PDE1C: variants seen among roughly 807,000 people sequenced by gnomAD.
The protein encoded by PDE1C is dual specificity calcium/calmodulin-dependent 3',5'-cyclic nucleotide phosphodiesterase 1C.
In PDE1C, 62 loss-of-function variants were observed where a neutral mutation model predicts 93.1. That is an observed-to-expected ratio of 0.67 (90% CI 0.54 to 0.82). The LOEUF is 0.82. Ranked by LOEUF, PDE1C falls within the 40% of genes least tolerant of loss-of-function variation. The probability of loss-of-function intolerance (pLI) is 0.00; values close to 1 mark genes in which losing one functional copy is unlikely to be tolerated. For synonymous variants in PDE1C, 325 were observed against 310.1 expected (o/e 1.05, Z -0.50); for missense variants, 742 against 884.6 (o/e 0.84, Z 2.04).
chr7:32,408,412 G>A (rs1182045375), intron 1 of PDE1C, among the ~76,000 whole-genome samples: 2 of 152,202 alleles, frequency 1.3e-5, no homozygotes, highest in South Asian at 4.1e-4. Flanking sequence ...ATGCCTGGGA[G>A]GAATGTGCAC....
At chr7:31,694,072 C>T in the PDE1C span, among the ~76,000 whole-genome samples, 2 of 152,118 alleles carry the variant, frequency 1.3e-5, no homozygotes, top group African/African-American at 4.8e-5. Flanking sequence ...TTATTAATTG[C>T]TGCTGAAGAG....
chr7:32,319,026 G>A (rs1433663776), intron 1 of PDE1C, among the ~76,000 whole-genome samples: 1 of 152,208 alleles, frequency 6.6e-6, no homozygotes, highest in Non-Finnish European at 1.5e-5. Context: ...GCTCCCTTAA[G>A]CTGTTGCAAG....
At chr7:32,027,859 G>A (rs1789698601) in intron 2 of PDE1C, among the ~76,000 whole-genome samples, 1 of 151,736 alleles carries the variant, frequency 6.6e-6, no homozygotes, top group Non-Finnish European at 1.5e-5. Context: ...ATCTGATGTA[G>A]CAAGCCTTAC....
At chr7:32,005,799 C>A (rs990781695) in intron 2 of PDE1C, among the ~76,000 whole-genome samples, 2 of 152,038 alleles carry the variant, frequency 1.3e-5, no homozygotes, top group Non-Finnish European at 2.9e-5. Flanking sequence ...TGTTTCTGGT[C>A]TACTGCTAAT....
At chr7:32,075,148 C>T (rs146403328), upstream of PDE1C, among the ~76,000 whole-genome samples, 1 of 152,336 alleles carries the variant, frequency 6.6e-6, no homozygotes, top group Non-Finnish European at 1.5e-5. Flanking sequence ...CAACTGCAAA[C>T]AAGCTCCTCC....
intron 1 of PDE1C, among the ~76,000 whole-genome samples, chr7:32,279,025 A>G (rs1479318452): frequency 6.6e-6 from 1 of 152,218 alleles, no homozygotes; most frequent in East Asian, 1.9e-4. Flanking sequence ...TATACTTAAG[A>G]GGAATTTATT....
At chr7:31,630,631 CCAAT>C in the PDE1C span, among the ~76,000 whole-genome samples, 15 of 151,998 alleles carry the variant, frequency 9.9e-5, no homozygotes, top group South Asian at 1.7e-3. Flanking sequence ...CACATATTTA[CCAAT>C]CAGTTATAAA....
chr7:32,173,465 G>A (rs1023587068), intron 2 of PDE1C, among the ~76,000 whole-genome samples: 2 of 150,630 alleles, frequency 1.3e-5, no homozygotes, highest in African/African-American at 4.9e-5. Flanking sequence ...TTCTGTACAT[G>A]TATAGCAGAA....
At chr7:32,356,625 G>C (rs1298240881) in intron 1 of PDE1C, among the ~76,000 whole-genome samples, 7 of 152,208 alleles carry the variant, frequency 4.6e-5, no homozygotes, top group Non-Finnish European at 1.0e-4. Flanking sequence ...TGGACAGTCT[G>C]TCAAGAATCC....
At chr7:31,817,919 G>C (rs1788467227) in intron 14 of PDE1C, among the ~76,000 whole-genome samples, 2 of 152,054 alleles carry the variant, frequency 1.3e-5, no homozygotes, top group South Asian at 2.1e-4. Context: ...CTTTATATTT[G>C]CTTACCTAAG....
In PDE1C at chr7:32,147,268, GAAAAAAAGAA is replaced by G. The variant is rs1800908945; in HGVS notation, c.308+22507_308+22516del. 6.4e-5 allele frequency among the ~76,000 whole-genome samples: 3 copies of G among 46,678 alleles called. 1 individual carries two copies. The South Asian group carries it at 2.4e-3, about 38-fold the overall frequency. The allele number at this position is 46,678 out of a possible 152,430, so 30.6% of individuals were successfully genotyped here. On this transcript the variant is annotated intron_variant, in intron 3 of 18. Coordinates refer to the PDE1C transcript ENST00000396193. The stretch of plus-strand genomic sequence containing the variant: ...GAAAGAAAGAAAAGAAAGAAAGAAA[GAAAAAAAGAA>G]AGAAAGAAAGAAAGAAAGAAAGAAA...
chr7:32,037,224 C>G (rs535778951), intron 2 of PDE1C, among the ~76,000 whole-genome samples: 1 of 152,234 alleles, frequency 6.6e-6, no homozygotes, highest in African/African-American at 2.4e-5. Flanking sequence ...TTCTGACAGA[C>G]AAGTGGTCCA....
chr7:32,122,118 A>C (rs566261028), intron 3 of PDE1C, among the ~76,000 whole-genome samples: 1 of 152,342 alleles, frequency 6.6e-6, no homozygotes, highest in African/African-American at 2.4e-5. Flanking sequence ...ATCAAAAAAG[A>C]AAAAGAATGA....
intron 7 of PDE1C, among the ~76,000 whole-genome samples, chr7:31,864,052 A>T (rs1294521889): frequency 6.6e-6 from 1 of 152,238 alleles, no homozygotes; most frequent in Non-Finnish European, 1.5e-5. Flanking sequence ...TCTTAATGCC[A>T]ATTCTAAAGG....
At chr7:32,160,615 G>T (rs1464396596) in intron 3 of PDE1C, among the ~76,000 whole-genome samples, 1 of 152,162 alleles carries the variant, frequency 6.6e-6, no homozygotes, top group Non-Finnish European at 1.5e-5. Context: ...GTCGAGGTGG[G>T]TGGATCACTT....
chr7:32,422,838 A>G (rs1161591897), intron 1 of PDE1C, among the ~76,000 whole-genome samples: 2 of 152,196 alleles, frequency 1.3e-5, no homozygotes, highest in African/African-American at 2.4e-5. Flanking sequence ...AGAAATTGGC[A>G]AGAGAGTGGT....
chr7:31,694,794 G>A, the PDE1C span, among the ~76,000 whole-genome samples: 14 of 152,112 alleles, frequency 9.2e-5, no homozygotes, highest in African/African-American at 3.1e-4. Flanking sequence ...TACCCGTAAC[G>A]ACTTCTGATA....
chr7:32,177,230 T>C (rs990784043), intron 2 of PDE1C, among the ~76,000 whole-genome samples: 2 of 152,124 alleles, frequency 1.3e-5, no homozygotes, highest in Non-Finnish European at 2.9e-5. Context: ...CAAGGGCTTG[T>C]GGCAAGTTTT....
intron 2 of PDE1C, among the ~76,000 whole-genome samples, chr7:32,198,841 G>A (rs1804798243): frequency 6.6e-6 from 1 of 152,150 alleles, no homozygotes; most frequent in Admixed American, 6.5e-5. Context: ...AACTCAGCCG[G>A]GCGCAGTGGT....
Sources: gnomAD v4.1 joint callset for allele counts (sites outside exome capture counted in the v4.1 genomes callset) on GRCh38, gnomAD v4.1.1 for gene constraint, MANE v1.5 for transcripts, NCBI Gene and HGNC (gene_info 2026-07-23, HGNC 2026-07-21) for gene names.